The following ALDH16A1 variants were observed in gnomAD, a reference collection of about 807,000 sequenced individuals.
ALDH16A1 encodes the protein aldehyde dehydrogenase 16 family member A1.
ALDH16A1 carries 88 observed loss-of-function variants against 96.1 expected under a neutral mutation model. The observed-to-expected ratio is 0.92, with a 90% CI of 0.77 to 1.09. ALDH16A1 has a LOEUF of 1.09. ALDH16A1 is among the 50% of genes least tolerant of loss of function. ALDH16A1 has a pLI of 0.00. For missense variants in ALDH16A1, 1,250 were observed against 1,112.6 expected (o/e 1.12, Z -1.76); for synonymous variants, 522 against 496.4 (o/e 1.05, Z -0.69).
Position 49,460,846 on chromosome 19 carries a change from C to G in ALDH16A1, c.524C>G (p.Pro175Arg). Residue 175 changes from proline (P) to arginine (R), a missense_variant, in exon 5 of 17, where the codon CCC becomes CGC. Pro to Arg is a moderately radical substitution (Grantham distance 103). Transcript: ENST00000293350. ...GGAGTAATTGGCCTCATCCTGCCACCCACATTCTCCTTCCTTGAGATGATG... is the reference window on the plus strand; with the variant it reads ...GGAGTAATTGGCCTCATCCTGCCACGCACATTCTCCTTCCTTGAGATGATG... Reference protein sequence around the residue: ...PMGVIGLILPPTFSFLEMMWR... With the variant: ...PMGVIGLILPRTFSFLEMMWR... 6.2e-7 allele frequency: 1 copy of G among 1,613,744 alleles called. No individual in the cohort carries two copies. Among genetic ancestry groups the G allele is most frequent in the Non-Finnish European group, 8.5e-7 (1 of 1,179,984 alleles).
rs760362690 is a variant in ALDH16A1 at position 49,459,658 on chromosome 19, C to T, written c.321-12C>T. 1 of 1,599,058 alleles carries T rather than the reference C, an allele frequency of 6.3e-7. No individual in the cohort carries two copies. Among genetic ancestry groups the T allele is most frequent in the South Asian group, 1.1e-5 (1 of 89,598 alleles). Reference sequence around the variant, plus strand: ...CCGTTGGAAAATGAGCACCCTCTTGCTTTCTCGACAGGCTGGCCGAGGTGA... The same window carrying T: ...CCGTTGGAAAATGAGCACCCTCTTGTTTTCTCGACAGGCTGGCCGAGGTGA... On this transcript the variant is annotated splice_polypyrimidine_tract_variant and intron_variant, in intron 3 of 16. Coordinates refer to ENST00000293350, the MANE Select transcript of ALDH16A1 (RefSeq NM_153329.4). The surrounding 1 kb of genome is among the most constrained non-coding windows in gnomAD (Gnocchi z 4.1).
In ALDH16A1 at chr19:49,459,070, G is replaced by T. The variant is rs1449528223; in HGVS notation, c.304G>T (p.Ala102Ser). 2.5e-6 allele frequency: 4 copies of T among 1,612,720 alleles called. No homozygotes were observed. The highest frequency in any genetic ancestry group is 1.3e-5 in the African/African-American group (1 of 74,948). ...GWSAHPGVVR[A>S]QHLTRLAEVI... The stretch of plus-strand genomic sequence containing the variant: ...GAGTGCGCACCCCGGCGTCGTCCGG[G>T]CCCAGCACCTGACCAGGTGATGCAG... The change falls in exon 3 of 17, where the codon GCC becomes TCC. Residue 102 changes from alanine (A) to serine (S), a missense_variant. By Grantham distance (99) the Ala-to-Ser change is moderately conservative. Coordinates refer to ENST00000293350, the MANE Select transcript of ALDH16A1 (RefSeq NM_153329.4). This position sits in a 1 kb window ranked among gnomAD's most constrained non-coding sequence, Gnocchi z 4.1.
rs2079235984 is a variant in ALDH16A1 at position 49,470,412 on chromosome 19, A to G, written c.2354A>G (p.Glu785Gly). Reference sequence around the variant, plus strand: ...CAGGAGGCCGAGGGGGCAGGCCCAGAGCTGGGGCTGCGAGTGGCGCGGACC... The same window carrying G: ...CAGGAGGCCGAGGGGGCAGGCCCAGGGCTGGGGCTGCGAGTGGCGCGGACC... ...WDQEAEGAGP[E>G]LGLRVARTKA... Residue 785 changes from glutamate to glycine, a missense_variant, in exon 17 of 17, where the codon GAG becomes GGG. Coordinates refer to ENST00000293350, the MANE Select transcript of ALDH16A1 (RefSeq NM_153329.4). The G allele has an allele frequency of 3.1e-6, 5 of 1,608,842 alleles. No homozygotes were observed. In the East Asian group the frequency reaches 1.1e-4, roughly 36 times the overall value.
In ALDH16A1 at chr19:49,468,499, C is replaced by G; in HGVS notation, c.2057C>G (p.Ala686Gly). 6.2e-7 allele frequency: 1 copy of G among 1,603,790 alleles called. No homozygotes were observed. Among genetic ancestry groups the G allele is most frequent in the Non-Finnish European group, 8.5e-7 (1 of 1,179,900 alleles). Residue 686 changes from alanine (A) to glycine (G), a missense_variant, in exon 15 of 17, where the codon GCC (alanine) becomes GGC (glycine). Transcript: ENST00000293350. This position sits in a 1 kb window ranked among gnomAD's most constrained non-coding sequence, Gnocchi z 4.4. ...GTGTCCCTGCTGGCTCCCGCCCTGGCCTACGGCAACACTGTGGTCATGGTG... is the reference window on the plus strand; with the variant it reads ...GTGTCCCTGCTGGCTCCCGCCCTGGGCTACGGCAACACTGTGGTCATGGTG... ...AFVSLLAPAL[A>G]YGNTVVMVPS...
chr19:49,467,639 C>T (rs2079210020), intron 14 of ALDH16A1, among the ~76,000 whole-genome samples: 1 of 151,436 alleles, frequency 6.6e-6, no homozygotes. Flanking sequence ...CGTGATCCGC[C>T]CACCTTGGCC....
At chr19:49,455,898 T>A (rs915545387) in intron 1 of ALDH16A1, among the ~76,000 whole-genome samples, 4 of 152,176 alleles carry the variant, frequency 2.6e-5, no homozygotes, top group East Asian at 1.9e-4. Context: ...ATTTTTTTTT[T>A]ATGTGAAATG....
intron 7 of ALDH16A1, 140 bp from the exon 8 acceptor site, chr19:49,462,430 C>A: frequency 8.9e-7 from 1 of 1,124,186 alleles, no homozygotes; most frequent in Non-Finnish European, 1.3e-6. Flanking sequence ...CCACCGCATC[C>A]GGCCTCTCTG....
Position 49,468,555 on chromosome 19 carries a change from G to A in ALDH16A1, c.2113G>A (p.Glu705Lys), listed in dbSNP as rs761630572. ...PSAACPLLAL[E>K]VCQDMATVFP... ...TGCGGCCTGTCCTCTGCTGGCCCTG[G>A]AGGTCTGCCAGGTATAGCCCCCTGC... is the stretch of plus-strand genomic sequence containing the variant. The change falls in exon 15 of 17, where the codon GAG becomes AAG. Residue 705 changes from glutamate to lysine, a missense_variant. Physicochemically the swap from Glu to Lys is moderately conservative, Grantham distance 56 (BLOSUM62 1). Coordinates refer to ENST00000293350, the MANE Select transcript of ALDH16A1 (RefSeq NM_153329.4). This position sits in a 1 kb window ranked among gnomAD's most constrained non-coding sequence, Gnocchi z 4.4. The A allele has an allele frequency of 5.6e-6, 9 of 1,604,174 alleles. No homozygotes were observed. In the East Asian group the frequency reaches 2.0e-4, roughly 36 times the overall value.
In ALDH16A1 at chr19:49,464,622, C is replaced by T; in HGVS notation, c.1438-10C>T. The stretch of plus-strand genomic sequence containing the variant: ...CCCCTTGCATCCTCTTGACACCGTC[C>T]CTCTCACAGGGGCTGTATGAGTATC... On this transcript the variant is annotated splice_polypyrimidine_tract_variant and intron_variant, in intron 11 of 16. Coordinates refer to ENST00000293350, the MANE Select transcript of ALDH16A1 (RefSeq NM_153329.4). 2 of 1,614,124 alleles carry T rather than the reference C, an allele frequency of 1.2e-6. No individual in the cohort carries two copies. The highest frequency in any genetic ancestry group is 1.7e-6 in the Non-Finnish European group (2 of 1,180,008).
intron 12 of ALDH16A1, 116 bp from the exon 13 acceptor site, chr19:49,465,622 G>C (rs1394887482): frequency 7.7e-7 from 1 of 1,301,314 alleles, no homozygotes. Context: ...GGGAACAGGG[G>C]TTTGGGGTGC....
At position 49,459,752 on chromosome 19, in the gene ALDH16A1, C is replaced by T. The variant is rs771158582; in HGVS notation, c.403C>T (p.Arg135Ter). Reference sequence around the variant, plus strand: ...GACTGGGCGGGCTGTTCGAGAGGTTCGAGACGGGGACGTCCAGCTGGCCCA... The same window carrying T: ...GACTGGGCGGGCTGTTCGAGAGGTTTGAGACGGGGACGTCCAGCTGGCCCA... Reference protein sequence around the residue: ...LVTGRAVREVRDGDVQLAQQL... With the variant: ...LVTGRAVREV Residue 135 changes from arginine to a stop codon, truncating the protein, a stop_gained, in exon 4 of 17, where the codon CGA becomes TGA. Transcript: ENST00000293350. LOFTEE classifies it high-confidence loss of function. This position sits in a 1 kb window ranked among gnomAD's most constrained non-coding sequence, Gnocchi z 4.1. 12 of 1,613,670 alleles carry T rather than the reference C, an allele frequency of 7.4e-6. No individual in the cohort carries two copies. Among genetic ancestry groups the T allele is most frequent in the South Asian group, 2.2e-5 (2 of 91,038 alleles).
At position 49,470,300 on chromosome 19, in the gene ALDH16A1, C is replaced by T; in HGVS notation, c.2248-6C>T. 1 of 1,613,328 alleles carries T rather than the reference C, an allele frequency of 6.2e-7. No homozygotes were observed. Among genetic ancestry groups the T allele is most frequent in the Non-Finnish European group, 8.5e-7 (1 of 1,179,738 alleles). On this transcript the variant is annotated splice_polypyrimidine_tract_variant and splice_region_variant and intron_variant, in intron 16 of 16. Transcript: ENST00000293350. ...AGTGCTTACCCCCGTCTCTTCCTCC[C>T]CTCAGGGTTCCCAGTTTGTCGAGTG... is the stretch of plus-strand genomic sequence containing the variant.
intron 5 of ALDH16A1, among the ~76,000 whole-genome samples, chr19:49,461,268 G>A (rs112372413): frequency 1.0e-3 from 25 of 24,148 alleles, no homozygotes; most frequent in South Asian, 3.2e-3. Context: ...TGGACTCCTG[G>A]GTCTGAGGGA....
chr19:49,469,140 A>C, intron 16 of ALDH16A1, 154 bp downstream of exon 16: 1 of 1,148,464 alleles, frequency 8.7e-7, no homozygotes, highest in Non-Finnish European at 1.2e-6. Context: ...TTAGGACTCA[A>C]GTTACTAAGG....
In ALDH16A1 at chr19:49,470,357, G is replaced by A. The variant is rs780057684; in HGVS notation, c.2299G>A (p.Ala767Thr). 7.4e-6 allele frequency: 12 copies of A among 1,613,294 alleles called. No individual in the cohort carries two copies. The highest frequency in any genetic ancestry group is 1.0e-5 in the Non-Finnish European group (12 of 1,179,850). Residue 767 changes from alanine to threonine, a missense_variant, in exon 17 of 17, where the codon GCG (alanine) becomes ACG (threonine). Physicochemically the swap from Ala to Thr is moderately conservative, Grantham distance 58 (BLOSUM62 0). Coordinates refer to ENST00000293350, the MANE Select transcript of ALDH16A1 (RefSeq NM_153329.4). ...GGCAGGAAACCTCAAACCGGTGTGG[G>A]CGAGCAGGGGCTGCCCGCGGGCCTG... Reference protein sequence around the residue: ...ASAGNLKPVWASRGCPRAWDQ... With the variant: ...ASAGNLKPVWTSRGCPRAWDQ...
intron 1 of ALDH16A1, among the ~76,000 whole-genome samples, chr19:49,454,655 G>C (rs975604783): frequency 6.6e-6 from 1 of 152,162 alleles, no homozygotes; most frequent in African/African-American, 2.4e-5. Flanking sequence ...AGGAGCTTAG[G>C]CTTCTTTGAG....
At chr19:49,461,588 C>T (rs1443150083) in intron 5 of ALDH16A1, 31 bp from the exon 6 acceptor site, 1 of 1,505,514 alleles carries the variant, frequency 6.6e-7, no homozygotes, top group South Asian at 1.3e-5. Flanking sequence ...GGCCTGGACT[C>T]CTGGGCCTTT....
rs746867060 is a variant in ALDH16A1 at position 49,459,762 on chromosome 19, A to G, written c.413A>G (p.Asp138Gly). The G allele has an allele frequency of 8.1e-6, 13 of 1,613,526 alleles. No homozygotes were observed. The South Asian group carries it at 1.3e-4, about 16-fold the overall frequency. The change falls in exon 4 of 17, where the codon GAC (aspartate) becomes GGC (glycine). Residue 138 changes from aspartate to glycine, a missense_variant. By Grantham distance (94) the Asp-to-Gly change is moderately conservative. Coordinates refer to ENST00000293350, the MANE Select transcript of ALDH16A1 (RefSeq NM_153329.4). The surrounding 1 kb of genome is among the most constrained non-coding windows in gnomAD (Gnocchi z 4.1). The stretch of plus-strand genomic sequence containing the variant: ...GCTGTTCGAGAGGTTCGAGACGGGG[A>G]CGTCCAGCTGGCCCAGCAGCTGCTC... ...GRAVREVRDG[D>G]VQLAQQLLHY...
At position 49,462,667 on chromosome 19, in the gene ALDH16A1, A is replaced by C; in HGVS notation, c.1010A>C (p.Asp337Ala). Residue 337 changes from aspartate (D) to alanine (A), a missense_variant, in exon 8 of 17, where the codon GAT (aspartate) becomes GCT (alanine). Physicochemically the swap from Asp to Ala is moderately radical, Grantham distance 126. Transcript: ENST00000293350. ...MGRLRSGRGLDGAVDMGARGA... is the reference protein window; with the variant it reads ...MGRLRSGRGLAGAVDMGARGA... ...CGGCTTCGGAGTGGCCGAGGGCTGG[A>C]TGGGGCCGTGGACATGGGGGCCCGG... 6.2e-7 allele frequency: 1 copy of C among 1,611,394 alleles called. No homozygotes were observed.
Sources: gnomAD v4.1 joint callset for allele counts (sites outside exome capture counted in the v4.1 genomes callset) on GRCh38, gnomAD v4.1.1 for gene constraint, Gnocchi (gnomAD v3.1) non-coding constraint, MANE v1.5 for transcripts, NCBI Gene and HGNC (gene_info 2026-07-23, HGNC 2026-07-21) for gene names.